The following LDLRAD3 variants were observed in gnomAD, a reference collection of about 807,000 sequenced individuals.
LDLRAD3 encodes low-density lipoprotein receptor class A domain-containing protein 3.
Under a neutral mutation model 29.4 loss-of-function variants are expected in LDLRAD3, and 20 were observed. The observed-to-expected ratio is 0.68, with a 90% CI of 0.48 to 0.99. The LOEUF is 0.99. Among genes scored for constraint, LDLRAD3 ranks in the 50% least tolerant of loss-of-function variants. The pLI, the probability that LDLRAD3 is intolerant of heterozygous loss-of-function variation, is 0.00. For synonymous variants in LDLRAD3, 157 were observed against 192.7 expected (o/e 0.81, Z 1.53); for missense variants, 420 against 454.3 (o/e 0.92, Z 0.69).
At chr11:35,985,604 C>G (rs1298331974) in intron 1 of LDLRAD3, among the ~76,000 whole-genome samples, 1 of 152,172 alleles carries the variant, frequency 6.6e-6, no homozygotes, top group Admixed American at 6.5e-5. Flanking sequence ...CCCATAATCC[C>G]TACGTGTTGT....
chr11:35,948,151 T>C (rs1408018725), intron 1 of LDLRAD3, among the ~76,000 whole-genome samples: 1 of 152,152 alleles, frequency 6.6e-6, no homozygotes, highest in Non-Finnish European at 1.5e-5. Context: ...CTTTGAGCTC[T>C]AAATTCGTAT....
At chr11:36,176,850 T>C (rs1324147349) in intron 4 of LDLRAD3, among the ~76,000 whole-genome samples, 1 of 152,228 alleles carries the variant, frequency 6.6e-6, no homozygotes, top group Admixed American at 6.5e-5. Flanking sequence ...TCTCTTTCAA[T>C]GTCTAGGTCT....
intron 1 of LDLRAD3, among the ~76,000 whole-genome samples, chr11:35,956,194 T>C (rs994865707): frequency 2.0e-5 from 3 of 152,148 alleles, no homozygotes; most frequent in East Asian, 1.9e-4. Flanking sequence ...ATTTAAATTA[T>C]TCGATAACAG....
chr11:36,076,221 C>CGTCT (rs1442461901), intron 2 of LDLRAD3, among the ~76,000 whole-genome samples: 1 of 132,202 alleles, frequency 7.6e-6, no homozygotes, highest in Non-Finnish European at 1.6e-5. Context: ...TCTGTCCATC[C>CGTCT]GTCCATCCAT....
At chr11:35,976,681 T>C (rs940867826) in intron 1 of LDLRAD3, among the ~76,000 whole-genome samples, 6 of 151,330 alleles carry the variant, frequency 4.0e-5, no homozygotes, top group African/African-American at 1.5e-4. Context: ...CTGAGTTGAA[T>C]AACACAAAGT....
At chr11:36,017,645 C>T (rs951182052) in intron 1 of LDLRAD3, among the ~76,000 whole-genome samples, 7 of 151,760 alleles carry the variant, frequency 4.6e-5, no homozygotes, top group African/African-American at 1.7e-4. Flanking sequence ...TCGAGTGCCT[C>T]AGCCTCCCGA....
At position 35,944,730 on chromosome 11, in the gene LDLRAD3, A is replaced by G. The variant is rs1851034920; in HGVS notation, c.46+586A>G. On this transcript the variant is annotated intron_variant, in intron 1 of 5. Coordinates refer to ENST00000315571, the MANE Select transcript of LDLRAD3 (RefSeq NM_174902.4). This position sits in a 1 kb window ranked among gnomAD's most constrained non-coding sequence, Gnocchi z 4.9. ...GAAGCAAGGCCGGATCTGGGAATTC[A>G]TTTTTCCCCACTGATCCTGGGAACC... Among the ~76,000 whole-genome samples the G allele has an allele frequency of 6.6e-6, 1 of 151,854 alleles. No individual in the cohort carries two copies.
At chr11:36,223,217 G>C (rs773775079) in intron 4 of LDLRAD3, among the ~76,000 whole-genome samples, 1 of 152,162 alleles carries the variant, frequency 6.6e-6, no homozygotes, top group African/African-American at 2.4e-5. Context: ...TGATCGCTGC[G>C]TCTCGCCTGC....
At chr11:36,178,585 C>T (rs1283151595) in intron 4 of LDLRAD3, among the ~76,000 whole-genome samples, 1 of 152,152 alleles carries the variant, frequency 6.6e-6, no homozygotes, top group Non-Finnish European at 1.5e-5. Flanking sequence ...GACATATACC[C>T]CACCTCTATG....
intron 4 of LDLRAD3, among the ~76,000 whole-genome samples, chr11:36,145,662 G>C (rs1854180257): frequency 6.6e-6 from 1 of 151,736 alleles, no homozygotes; most frequent in Non-Finnish European, 1.5e-5. Context: ...TCTGTACTAA[G>C]AAAAATTCTT....
chr11:36,047,193 A>G (rs949903482), intron 2 of LDLRAD3, among the ~76,000 whole-genome samples: 1 of 152,214 alleles, frequency 6.6e-6, no homozygotes, highest in African/African-American at 2.4e-5. Context: ...GCACAAGGAC[A>G]CTAAAAACAA....
chr11:35,972,764 A>G (rs1319546212), intron 1 of LDLRAD3: 1 of 152,196 alleles, frequency 6.6e-6, no homozygotes, highest in Non-Finnish European at 1.5e-5. Flanking sequence ...AAAAGGTATA[A>G]AAGAGGTCAG....
chr11:36,141,316 C>A (rs1011805159), intron 4 of LDLRAD3, among the ~76,000 whole-genome samples: 6 of 152,102 alleles, frequency 3.9e-5, no homozygotes, highest in African/African-American at 1.4e-4. Context: ...ACTCTCCATA[C>A]CTTGAAGTTC....
intron 1 of LDLRAD3, among the ~76,000 whole-genome samples, chr11:35,946,775 C>T (rs1315305408): frequency 6.6e-6 from 1 of 152,130 alleles, no homozygotes; most frequent in African/African-American, 2.4e-5. Context: ...TGAGTATTGA[C>T]CTTTTCTCCT....
intron 1 of LDLRAD3, among the ~76,000 whole-genome samples, chr11:36,015,742 T>C (rs1009266950): frequency 1.3e-5 from 2 of 152,018 alleles, no homozygotes; most frequent in Non-Finnish European, 2.9e-5. Flanking sequence ...CTGGCTCCTT[T>C]TACTCCACGT....
At chr11:35,949,026 A>G (rs1590674656) in intron 1 of LDLRAD3, among the ~76,000 whole-genome samples, 1 of 152,054 alleles carries the variant, frequency 6.6e-6, no homozygotes, top group Admixed American at 6.5e-5. Context: ...ATTACTGTGC[A>G]TCATTACTGT....
chr11:35,957,193 A>C (rs1352560776), intron 1 of LDLRAD3, among the ~76,000 whole-genome samples: 1 of 152,230 alleles, frequency 6.6e-6, no homozygotes, highest in African/African-American at 2.4e-5. Context: ...ATTTATATTG[A>C]TTTTAGATAG....
At chr11:36,014,402 G>T (rs1851994294) in intron 1 of LDLRAD3, among the ~76,000 whole-genome samples, 1 of 152,214 alleles carries the variant, frequency 6.6e-6, no homozygotes, top group Non-Finnish European at 1.5e-5. Context: ...ACCATTATGG[G>T]AAATGATAAC....
intron 1 of LDLRAD3, among the ~76,000 whole-genome samples, chr11:36,027,739 C>G (rs575658913): frequency 6.6e-6 from 1 of 152,340 alleles, no homozygotes; most frequent in Non-Finnish European, 1.5e-5. Flanking sequence ...TTCTTGGGCA[C>G]AAGGGGCTGG....
Sources: allele counts gnomAD v4.1 joint callset (sites outside exome capture counted in the v4.1 genomes callset), GRCh38; gene constraint gnomAD v4.1.1; non-coding constraint Gnocchi (gnomAD v3.1); transcripts MANE v1.5; gene names NCBI Gene and HGNC (gene_info 2026-07-23, HGNC 2026-07-21).